The following CACNA1I variants were observed in gnomAD, a reference collection of about 807,000 sequenced individuals.
CACNA1I encodes voltage-dependent T-type calcium channel subunit alpha-1I.
In CACNA1I, 74 loss-of-function variants were observed where a neutral mutation model predicts 201.6. The observed-to-expected ratio is 0.37, with a 90% CI of 0.30 to 0.45. The LOEUF is 0.45. Among genes scored for constraint, CACNA1I ranks in the 20% least tolerant of loss-of-function variants. CACNA1I has a pLI of 1.00. For missense variants in CACNA1I, 2,346 were observed against 3,138.1 expected (o/e 0.75, Z 6.03); for synonymous variants, 1,431 against 1,345.2 (o/e 1.06, Z -1.40).
chr22:39,609,360 G>A (rs1447229542), intron 3 of CACNA1I, among the ~76,000 whole-genome samples: 2 of 152,260 alleles, frequency 1.3e-5, no homozygotes, highest in African/African-American at 4.8e-5. Flanking sequence ...TTGGCTGCAA[G>A]TAATAGAAAA....
At chr22:39,597,988 C>T (rs1056187920) in intron 1 of CACNA1I, among the ~76,000 whole-genome samples, 163 bp from the exon 2 acceptor site, 12 of 152,106 alleles carry the variant, frequency 7.9e-5, no homozygotes, top group African/African-American at 2.9e-4. Context: ...CAGACTGGCA[C>T]CACGGGCTTT....
intron 1 of CACNA1I, among the ~76,000 whole-genome samples, chr22:39,589,141 G>A (rs1297849398): frequency 5.9e-5 from 9 of 152,230 alleles, no homozygotes; most frequent in Middle Eastern, 3.4e-3. Flanking sequence ...CTCCAGACAC[G>A]GCCAAATGTC....
At chr22:39,679,083 C>A in intron 31 of CACNA1I, 24 bp from the exon 32 acceptor site, 2 of 1,547,680 alleles carry the variant, frequency 1.3e-6, no homozygotes, top group Non-Finnish European at 1.7e-6. Flanking sequence ...CGTCCTCATC[C>A]TCACCGCCCT....
At position 39,682,575 on chromosome 22, in the gene CACNA1I, C is replaced by A; in HGVS notation, c.5744C>A (p.Ser1915Ter). ...TTCCCCTTGTCCTCTACGGCCGTCT[C>A]GCCGGATCCAGAGAACTTCCTGTGT... The part of the protein sequence containing the change: ...CFFPLSSTAV[S>*]PDPENFLCEM... The change falls in exon 35 of 37, where the codon TCG becomes TAG. Residue 1915 changes from serine (S) to a stop codon, truncating the protein, a stop_gained. Coordinates refer to ENST00000402142, the MANE Select transcript of CACNA1I (RefSeq NM_021096.4). LOFTEE classifies it high-confidence loss of function. The A allele has an allele frequency of 6.2e-7, 1 of 1,613,688 alleles. No individual in the cohort carries two copies. The highest frequency in any genetic ancestry group is 8.5e-7 in the Non-Finnish European group (1 of 1,179,846).
intron 4 of CACNA1I, among the ~76,000 whole-genome samples, chr22:39,622,943 C>T (rs1444238088): frequency 6.6e-6 from 1 of 152,232 alleles, no homozygotes; most frequent in Non-Finnish European, 1.5e-5. Context: ...ACGGAGCCCA[C>T]AGGCACCGCC....
intron 10 of CACNA1I, among the ~76,000 whole-genome samples, chr22:39,652,776 A>T (rs1169710429): frequency 1.3e-5 from 2 of 152,148 alleles, no homozygotes; most frequent in Non-Finnish European, 2.9e-5. Context: ...GTGGTGGTGC[A>T]TGTCTGTAGT....
chr22:39,617,917 T>C (rs996053538), intron 3 of CACNA1I, among the ~76,000 whole-genome samples: 3 of 148,400 alleles, frequency 2.0e-5, no homozygotes, highest in Non-Finnish European at 4.5e-5. Flanking sequence ...TCTCTGTCTC[T>C]AGCTCTAGGT....
intron 8 of CACNA1I, among the ~76,000 whole-genome samples, chr22:39,647,375 G>A (rs1198029941): frequency 2.0e-5 from 3 of 152,172 alleles, no homozygotes; most frequent in Non-Finnish European, 4.4e-5. Context: ...GGGGACTCAT[G>A]CCACCCTGTG....
chr22:39,662,306 C>G lies in CACNA1I; in HGVS notation c.3243C>G (p.Ala1081=). The part of the protein sequence containing the change: ...VPAVGAHPRA[A]WRAAGPAPGH... ...CGGTGGGCGCCCACCCCCGGGCCGCCTGGAGGGCGGCAGGCCCGGCCCCCG... is the reference window on the plus strand; with the variant it reads ...CGGTGGGCGCCCACCCCCGGGCCGCGTGGAGGGCGGCAGGCCCGGCCCCCG... The change falls in exon 17 of 37, where the codon GCC becomes GCG. Residue 1081 remains alanine (A), a synonymous_variant. Transcript: ENST00000402142. 1 of 1,489,524 alleles carries G rather than the reference C, an allele frequency of 6.7e-7. No homozygotes were observed. Among genetic ancestry groups the G allele is most frequent in the Non-Finnish European group, 8.9e-7 (1 of 1,127,346 alleles). The allele number at this position is 1,489,524 out of a possible 1,614,324, so 92.3% of individuals were successfully genotyped here.
intron 1 of CACNA1I, among the ~76,000 whole-genome samples, chr22:39,576,064 T>C (rs5750852): frequency 0.34 from 52,025 of 152,022 alleles, 9,481 homozygotes; most frequent in East Asian, 0.74. Flanking sequence ...GGTGAGCCAA[T>C]GTGCCTGGCC....
chr22:39,687,071 A>G lies in CACNA1I; in HGVS notation c.*666A>G, dbSNP rs1217199217. 7 of 152,146 alleles carry G rather than the reference A, an allele frequency of 4.6e-5. No individual in the cohort carries two copies. The highest frequency in any genetic ancestry group is 1.7e-4 in the African/African-American group (7 of 41,420). 9.4% of individuals were successfully genotyped at this position (152,146 alleles called of 1,614,324 possible). On this transcript the variant is annotated 3_prime_UTR_variant, in exon 37 of 37. Coordinates refer to ENST00000402142, the MANE Select transcript of CACNA1I (RefSeq NM_021096.4). ...CTTTCGTAGACACCCCAGAGCACAC[A>G]CATCCCCTTAGTCCACCGGTTAGAT...
intron 1 of CACNA1I, among the ~76,000 whole-genome samples, chr22:39,575,193 C>T (rs1445179277): frequency 6.6e-6 from 1 of 152,228 alleles, no homozygotes; most frequent in Non-Finnish European, 1.5e-5. Context: ...GGGGAGGTGG[C>T]GTGTGGCACC....
intron 3 of CACNA1I, among the ~76,000 whole-genome samples, chr22:39,612,930 C>A (rs1933425265): frequency 6.6e-6 from 1 of 152,242 alleles, no homozygotes; most frequent in East Asian, 1.9e-4. Context: ...AGTTACCAAC[C>A]AACACAAGCC....
chr22:39,605,244 G>A (rs1209075504), intron 3 of CACNA1I, among the ~76,000 whole-genome samples: 1 of 152,180 alleles, frequency 6.6e-6, no homozygotes, highest in Non-Finnish European at 1.5e-5. Flanking sequence ...GCACCTCCGA[G>A]TTAGAAGGTT....
At position 39,677,444 on chromosome 22, in the gene CACNA1I, G is replaced by A. The variant is rs763480894; in HGVS notation, c.4933+25G>A. Reference sequence around the variant, plus strand: ...GGTGAGTGACTCCCAGAGCAGGCCCGTGGTGGGGGTGCAGCAGGGCTGCAG... The same window carrying A: ...GGTGAGTGACTCCCAGAGCAGGCCCATGGTGGGGGTGCAGCAGGGCTGCAG... On this transcript the variant is annotated intron_variant, in intron 30 of 36. Transcript: ENST00000402142. The surrounding 1 kb of genome is among the most constrained non-coding windows in gnomAD (Gnocchi z 4.8). 1.7e-5 allele frequency: 26 copies of A among 1,487,014 alleles called. No homozygotes were observed. The highest frequency in any genetic ancestry group is 2.8e-5 in the African/African-American group (2 of 71,772). 92.1% of individuals were successfully genotyped at this position (1,487,014 alleles called of 1,614,324 possible).
chr22:39,685,610 AAGCTG>A lies in CACNA1I; in HGVS notation c.6028-150_6028-146del. 1 of 631,940 alleles carries A rather than the reference AAGCTG, an allele frequency of 1.6e-6. No individual in the cohort carries two copies. The allele number at this position is 631,940 out of a possible 1,614,324, so 39.1% of individuals were successfully genotyped here. On this transcript the variant is annotated intron_variant, in intron 36 of 36. Coordinates refer to ENST00000402142, the MANE Select transcript of CACNA1I (RefSeq NM_021096.4). The surrounding 1 kb of genome is among the most constrained non-coding windows in gnomAD (Gnocchi z 5.0). ...TGAAGGCCCTGCGGTGACGCCGCCT[AAGCTG>A]GACGTGCGGAGGGGAGAAGCCCTGC...
chr22:39,683,522 C>CA (rs370250142), intron 35 of CACNA1I, among the ~76,000 whole-genome samples: 31 of 152,338 alleles, frequency 2.0e-4, no homozygotes, highest in African/African-American at 7.2e-4. Context: ...CGGTGGAATG[C>CA]AATCTCATTC....
Position 39,662,250 on chromosome 22 carries a change from G to A in CACNA1I, c.3187G>A (p.Asp1063Asn). ...CCGGACGCTGTCCCTCGACAACAGG[G>A]ACTCGGTGGACCTGGCCGAGCTGGT... ...HRRTLSLDNR[D>N]SVDLAELVPA... Residue 1063 changes from aspartate to asparagine, a missense_variant, in exon 17 of 37, where the codon GAC (aspartate) becomes AAC (asparagine). Around this residue, in one of 13 missense-constraint regions of CACNA1I, gnomAD observed 288 missense variants for 255.2 expected, o/e 1.13. Coordinates refer to ENST00000402142, the MANE Select transcript of CACNA1I (RefSeq NM_021096.4). 1.3e-6 allele frequency: 2 copies of A among 1,526,692 alleles called. No individual in the cohort carries two copies. Among genetic ancestry groups the A allele is most frequent in the Non-Finnish European group, 1.8e-6 (2 of 1,141,706 alleles). The allele number at this position is 1,526,692 out of a possible 1,614,324, so 94.6% of individuals were successfully genotyped here.
At chr22:39,581,938 A>T (rs1380968976) in intron 1 of CACNA1I, among the ~76,000 whole-genome samples, 1 of 152,118 alleles carries the variant, frequency 6.6e-6, no homozygotes, top group Non-Finnish European at 1.5e-5. Flanking sequence ...ATCCTGTGTG[A>T]TGCTGAGCAA....
Sources: gnomAD v4.1 joint callset for allele counts (sites outside exome capture counted in the v4.1 genomes callset) on GRCh38, gnomAD v4.1.1 for gene constraint, gnomAD v4.1.1 regional missense constraint, Gnocchi (gnomAD v3.1) non-coding constraint, MANE v1.5 for transcripts, NCBI Gene and HGNC (gene_info 2026-07-23, HGNC 2026-07-21) for gene names.